GLCE: variants seen among roughly 807,000 people sequenced by gnomAD.
The protein encoded by GLCE is D-glucuronyl C5-epimerase.
GLCE carries 19 observed loss-of-function variants against 47.9 expected under a neutral mutation model. The observed-to-expected ratio is 0.40, with a 90% confidence interval of 0.28 to 0.58. GLCE has a LOEUF of 0.58. GLCE is among the 20% of genes least tolerant of loss of function. The pLI is 0.48. For synonymous variants in GLCE, 245 were observed against 263.4 expected, an observed-to-expected ratio of 0.93 and a Z score of 0.68; for missense variants, 556 against 743.3, an observed-to-expected ratio of 0.75 and a Z score of 2.93.
chr15:69,186,067 AGG>A (rs2051818261), intron 1 of GLCE, among the ~76,000 whole-genome samples: 1 of 152,116 alleles, frequency 6.6e-6, no homozygotes, highest in Admixed American at 6.5e-5. Flanking sequence ...GTATGGGGGA[AGG>A]GGTGCGGAGC....
At chr15:69,213,643 C>G (rs939746365) in intron 2 of GLCE, among the ~76,000 whole-genome samples, 8 of 152,032 alleles carry the variant, frequency 5.3e-5, no homozygotes, top group Admixed American at 3.9e-4. Context: ...ATACTTTTCC[C>G]TTAATTAGTA....
intron 2 of GLCE, among the ~76,000 whole-genome samples, chr15:69,238,583 T>G (rs1161973665): frequency 6.6e-6 from 1 of 152,156 alleles, no homozygotes; most frequent in East Asian, 1.9e-4. Flanking sequence ...AAATGAATAT[T>G]TTTTTAGCCT....
rs750312824 is a variant in GLCE at position 69,256,264 on chromosome 15, A to G, written c.458A>G (p.Glu153Gly). 1.9e-6 allele frequency: 3 copies of G among 1,613,916 alleles called. No individual in the cohort carries two copies. In the African/African-American group the frequency reaches 4.0e-5, roughly 22 times the overall value. The part of the protein sequence containing the change: ...VVQYDGYDRF[E>G]FSHSYSKVYA... ...CAGTATGATGGCTATGATCGGTTTG[A>G]ATTCTCTCATAGCTATTCCAAAGTC... Residue 153 changes from glutamate to glycine, a missense_variant, in exon 3 of 5, where the codon GAA (glutamate) becomes GGA (glycine). This residue lies in a region of GLCE where 237 missense variants were observed against 310.9 expected (regional missense o/e 0.76). Coordinates refer to ENST00000261858, the MANE Select transcript of GLCE (RefSeq NM_015554.3).
chr15:69,211,879 A>C (rs563039839), intron 2 of GLCE, among the ~76,000 whole-genome samples: 1 of 152,158 alleles, frequency 6.6e-6, no homozygotes, highest in East Asian at 1.9e-4. Flanking sequence ...TTCCTAATAG[A>C]CTTGTGTGAG....
rs944638576 is a variant in GLCE, at chr15:69,224,777, A to G, written c.-14+14371A>G. ...AGCTGAAAATGACCCAAATTAATGC[A>G]CTTTATCATTTAGTCCTTCTCTTGG... On this transcript the variant is annotated intron_variant, in intron 2 of 4. Transcript: ENST00000261858. Among the ~76,000 whole-genome samples, 10 of 152,326 alleles carry G rather than the reference A, an allele frequency of 6.6e-5. No individual in the cohort carries two copies. The East Asian group carries it at 1.4e-3, about 21-fold the overall frequency.
chr15:69,208,343 T>C (rs189750724), intron 1 of GLCE, among the ~76,000 whole-genome samples: 6 of 152,198 alleles, frequency 3.9e-5, no homozygotes, highest in Admixed American at 6.5e-5. Flanking sequence ...ATTTTATTTT[T>C]TTCTTTGCAT....
intron 3 of GLCE, among the ~76,000 whole-genome samples, chr15:69,258,267 G>A (rs367910122): frequency 3.3e-5 from 5 of 151,986 alleles, no homozygotes; most frequent in Admixed American, 2.0e-4. Flanking sequence ...CTGTTCCTGC[G>A]TTGGTTTGCT....
At chr15:69,259,334 G>A (rs141908673) in intron 3 of GLCE, among the ~76,000 whole-genome samples, 33 of 152,190 alleles carry the variant, frequency 2.2e-4, no homozygotes, top group African/African-American at 7.5e-4. Flanking sequence ...GTTGGTTTTA[G>A]AAGTTTTTAG....
intron 2 of GLCE, among the ~76,000 whole-genome samples, chr15:69,218,309 A>G (rs2052334568): frequency 6.6e-6 from 1 of 152,080 alleles, no homozygotes; most frequent in African/African-American, 2.4e-5. Flanking sequence ...CAGGAGTTCA[A>G]GACCAGCCTG....
intron 4 of GLCE, among the ~76,000 whole-genome samples, chr15:69,265,566 A>G (rs958541793): frequency 6.6e-6 from 1 of 152,192 alleles, no homozygotes; most frequent in African/African-American, 2.4e-5. Flanking sequence ...GCTGGTGTTA[A>G]GGTCTTAGGA....
rs1440616314 is a variant in GLCE at position 69,252,721 on chromosome 15, G to A, written c.-13-3073G>A. Among the ~76,000 whole-genome samples the A allele has an allele frequency of 4.6e-5, 7 of 151,974 alleles. No homozygotes were observed. In the South Asian group the frequency reaches 6.2e-4, roughly 14 times the overall value. Reference sequence around the variant, plus strand: ...ATATTAGTTGGTCAAAATGTAAGGCGTAGCTGACAGATTACTCAGCTGTTG... The same window carrying A: ...ATATTAGTTGGTCAAAATGTAAGGCATAGCTGACAGATTACTCAGCTGTTG... On this transcript the variant is annotated intron_variant, in intron 2 of 4. Transcript: ENST00000261858.
At chr15:69,175,810 C>T (rs907019267) in intron 1 of GLCE, among the ~76,000 whole-genome samples, 7 of 152,166 alleles carry the variant, frequency 4.6e-5, no homozygotes, top group African/African-American at 1.7e-4. Context: ...ACTGCTTCTT[C>T]ATGTGGGGGC....
chr15:69,249,123 A>G (rs2052799430), intron 2 of GLCE, among the ~76,000 whole-genome samples: 1 of 152,192 alleles, frequency 6.6e-6, no homozygotes, highest in African/African-American at 2.4e-5. Context: ...TTTCTAATAC[A>G]TTGGCATTTA....
intron 2 of GLCE, among the ~76,000 whole-genome samples, chr15:69,255,472 G>A (rs1165526537): frequency 5.3e-5 from 8 of 152,062 alleles, no homozygotes; most frequent in Admixed American, 4.6e-4. Context: ...TTTGGGTACA[G>A]CATACTCAAA....
rs80301328 is a variant in GLCE at position 69,256,683 on chromosome 15, G to A, written c.586+291G>A. Among the ~76,000 whole-genome samples the A allele has an allele frequency of 4.6e-3, 695 of 152,218 alleles. 4 individuals carry two copies. The highest frequency in any genetic ancestry group is 6.6e-3 in the Non-Finnish European group (448 of 68,020). On this transcript the variant is annotated intron_variant, in intron 3 of 4. Transcript: ENST00000261858. ...AGGCATTGTTTCTCCAGAAGTTTGC[G>A]TTAAAATATATAGCTAGAATCCTGT...
intron 1 of GLCE, among the ~76,000 whole-genome samples, chr15:69,198,043 C>T (rs1170778819): frequency 6.6e-6 from 1 of 152,122 alleles, no homozygotes; most frequent in Non-Finnish European, 1.5e-5. Context: ...TAAAGAACAT[C>T]AGTGCCTGAG....
At chr15:69,198,009 C>G (rs948477005) in intron 1 of GLCE, among the ~76,000 whole-genome samples, 4 of 152,112 alleles carry the variant, frequency 2.6e-5, no homozygotes, top group African/African-American at 9.7e-5. Flanking sequence ...TTCTTTGATG[C>G]TTATAATTCA....
chr15:69,187,855 G>C (rs1345118740), intron 1 of GLCE, among the ~76,000 whole-genome samples: 2 of 152,054 alleles, frequency 1.3e-5, no homozygotes, highest in African/African-American at 4.8e-5. Context: ...TTGAAGTCAG[G>C]AGTTCGAGAC....
At chr15:69,264,432 TTATC>T (rs763641615) in intron 4 of GLCE, among the ~76,000 whole-genome samples, 5 of 152,146 alleles carry the variant, frequency 3.3e-5, no homozygotes, top group Non-Finnish European at 5.9e-5. Flanking sequence ...CATATTTTCT[TTATC>T]TATACTAGAC....
Sources: allele counts gnomAD v4.1 joint callset (sites outside exome capture counted in the v4.1 genomes callset), GRCh38; gene constraint gnomAD v4.1.1; regional missense constraint gnomAD v4.1.1; transcripts MANE v1.5; gene names NCBI Gene and HGNC (gene_info 2026-07-23, HGNC 2026-07-21).